The following USP26 variants were observed in gnomAD, a reference collection of about 807,000 sequenced individuals.
USP26 encodes the protein ubiquitin specific peptidase 26.
For missense variants in USP26, 649 were observed against 642.3 expected (o/e 1.01, Z -0.11); for synonymous variants, 236 against 240.6 (o/e 0.98, Z 0.18).
In USP26 at chrX:133,025,520, G is replaced by T. The variant is rs896961857; in HGVS notation, c.2701C>A (p.Leu901Ile). The T allele has an allele frequency of 5.0e-6, 6 of 1,209,088 alleles. No homozygotes were observed. The highest frequency in any genetic ancestry group is 6.7e-6 in the Non-Finnish European group (6 of 894,837). The change falls in exon 6 of 6, where the codon CTT (leucine) becomes ATT (isoleucine). Residue 901 changes from leucine (L) to isoleucine (I), a missense_variant. By Grantham distance (5) the Leu-to-Ile change is conservative (BLOSUM62 2). Transcript: ENST00000511190. ...EMLKREENAQ[L>I]NSKEVEETLQ... Reference sequence around the variant, plus strand: ...GTCTCCTCTACCTCCTTGCTATTAAGCTGGGCATTCTCTTCTCTTTTCAAC... The same window carrying T: ...GTCTCCTCTACCTCCTTGCTATTAATCTGGGCATTCTCTTCTCTTTTCAAC...
chrX:133,066,046 T>A (rs1322162852), intron 5 of USP26, among the ~76,000 whole-genome samples: 1 of 111,657 alleles, frequency 9.0e-6, no homozygotes, highest in Non-Finnish European at 1.9e-5. Context: ...ACGAAATGAA[T>A]GTGCAAAAAT....
intron 5 of USP26, among the ~76,000 whole-genome samples, chrX:133,029,214 T>C (rs1038716967): frequency 1.8e-5 from 2 of 112,665 alleles, no homozygotes; most frequent in Non-Finnish European, 3.8e-5. Context: ...TGTTTCCTCC[T>C]CAGTAGTTAA....
At chrX:133,063,908 T>C (rs373798139) in intron 5 of USP26, among the ~76,000 whole-genome samples, 47 of 111,512 alleles carry the variant, frequency 4.2e-4, no homozygotes, top group African/African-American at 1.4e-3. Context: ...ATGGACAAAA[T>C]GCCCCAATTA....
intron 5 of USP26, among the ~76,000 whole-genome samples, chrX:133,046,605 G>C (rs1341335238): frequency 9.0e-6 from 1 of 110,537 alleles, no homozygotes; most frequent in Non-Finnish European, 1.9e-5. Context: ...CTTCCTCTTT[G>C]CTGCCATTTA....
intron 5 of USP26, among the ~76,000 whole-genome samples, chrX:133,041,403 G>A (rs1432824836): frequency 9.0e-6 from 1 of 111,683 alleles, no homozygotes; most frequent in African/African-American, 3.3e-5. Flanking sequence ...TATTGATGTT[G>A]ATGTTGTTGC....
At chrX:133,039,119 G>A (rs755597263) in intron 5 of USP26, among the ~76,000 whole-genome samples, 1 of 110,650 alleles carries the variant, frequency 9.0e-6, no homozygotes, top group Admixed American at 9.6e-5. Flanking sequence ...ACCAGCTCCT[G>A]GACTCATTGA....
chrX:133,069,310 A>G (rs938728867), intron 5 of USP26, among the ~76,000 whole-genome samples: 2 of 112,055 alleles, frequency 1.8e-5, no homozygotes, highest in Admixed American at 9.5e-5. Flanking sequence ...AGGAAAACGA[A>G]TATCTTTTAT....
At chrX:133,086,650 G>A (rs187648880) in intron 4 of USP26, among the ~76,000 whole-genome samples, 21 of 110,756 alleles carry the variant, frequency 1.9e-4, no homozygotes, top group South Asian at 3.9e-4. Flanking sequence ...AGTGGCTCAC[G>A]CCTGTAATCC....
At chrX:133,054,736 T>C (rs773984378) in intron 5 of USP26, among the ~76,000 whole-genome samples, 5 of 111,818 alleles carry the variant, frequency 4.5e-5, no homozygotes, top group Admixed American at 2.9e-4. Context: ...TTTGGTGTAA[T>C]AATGCCTAAC....
At chrX:133,071,943 C>T (rs1318272905) in intron 5 of USP26, among the ~76,000 whole-genome samples, 4 of 111,515 alleles carry the variant, frequency 3.6e-5, no homozygotes, top group Admixed American at 1.9e-4. Flanking sequence ...GGTCACCTGG[C>T]TGCTTAGTAA....
intron 5 of USP26, among the ~76,000 whole-genome samples, chrX:133,041,263 G>A (rs1034339175): frequency 1.8e-5 from 2 of 111,099 alleles, no homozygotes; most frequent in Admixed American, 9.6e-5. Context: ...ATTTGGAGGA[G>A]ATGAGGCATT....
At chrX:133,085,175 C>T (rs982349483) in intron 4 of USP26, among the ~76,000 whole-genome samples, 1 of 111,526 alleles carries the variant, frequency 9.0e-6, no homozygotes, top group Non-Finnish European at 1.9e-5. Flanking sequence ...CCTCAGGTGA[C>T]CCACCTACCT....
intron 5 of USP26, among the ~76,000 whole-genome samples, chrX:133,059,045 C>T (rs1199933537): frequency 9.0e-6 from 1 of 110,799 alleles, no homozygotes; most frequent in African/African-American, 3.3e-5. Flanking sequence ...AACTCCTGAC[C>T]TCAAGTGATC....
Position 133,026,691 on chromosome X carries a change from G to C in USP26, c.1530C>G (p.Phe510Leu). Residue 510 changes from phenylalanine to leucine, a missense_variant, in exon 6 of 6, where the codon TTC becomes TTG. By Grantham distance (22) the Phe-to-Leu change is conservative (BLOSUM62 0). Coordinates refer to ENST00000511190, the MANE Select transcript of USP26 (RefSeq NM_031907.3). Reference sequence around the variant, plus strand: ...CAATAAGGATTCTAGGTAGCCTACTGAATGAGTGCACTCCAACGGAAGTCT... The same window carrying C: ...CAATAAGGATTCTAGGTAGCCTACTCAATGAGTGCACTCCAACGGAAGTCT... ...EHKTSVGVHS[F>L]SRLPRILIVH... is the part of the protein sequence containing the mutation. 1 of 1,210,550 alleles carries C rather than the reference G, an allele frequency of 8.3e-7. No homozygotes were observed. Among genetic ancestry groups the C allele is most frequent in the Non-Finnish European group, 1.1e-6 (1 of 895,026 alleles).
chrX:133,086,624 T>A (rs2067589884), intron 4 of USP26, among the ~76,000 whole-genome samples: 1 of 109,705 alleles, frequency 9.1e-6, no homozygotes, highest in Non-Finnish European at 1.9e-5. Flanking sequence ...AAAGTAATAA[T>A]AATAAGGCCG....
chrX:133,055,334 G>C (rs1394778371), intron 5 of USP26, among the ~76,000 whole-genome samples: 1 of 111,522 alleles, frequency 9.0e-6, no homozygotes, highest in Non-Finnish European at 1.9e-5. Flanking sequence ...CCTTGCAGTG[G>C]AAATCATTAC....
At chrX:133,035,459 A>T (rs890999605) in intron 5 of USP26, among the ~76,000 whole-genome samples, 1 of 111,947 alleles carries the variant, frequency 8.9e-6, no homozygotes, top group African/African-American at 3.3e-5. Context: ...GAATTTGGTA[A>T]TGCCTCCCAT....
chrX:133,096,733 A>G (rs958939583), intron 1 of USP26, among the ~76,000 whole-genome samples: 3 of 110,971 alleles, frequency 2.7e-5, no homozygotes. Context: ...TGTCTCTACT[A>G]AAAATACAAA....
rs1011132485 is a variant in USP26, at chrX:133,026,173, G to A, written c.2048C>T (p.Pro683Leu). 34 of 1,208,156 alleles carry A rather than the reference G, an allele frequency of 2.8e-5. No individual in the cohort carries two copies. Among genetic ancestry groups the A allele is most frequent in the Non-Finnish European group, 3.7e-5 (33 of 894,973 alleles). ...GGKPASSPGT[P>L]LSKVDFQTVP... ...TGTTTGAAAGTCAACTTTTGAGAGA[G>A]GTGTGCCTGGGCTGCTGGCAGGTTT... The change falls in exon 6 of 6, where the codon CCT becomes CTT. Residue 683 changes from proline (P) to leucine (L), a missense_variant. Physicochemically the swap from Pro to Leu is moderately conservative, Grantham distance 98. Coordinates refer to ENST00000511190, the MANE Select transcript of USP26 (RefSeq NM_031907.3).
Sources: allele counts gnomAD v4.1 joint callset (sites outside exome capture counted in the v4.1 genomes callset), GRCh38; gene constraint gnomAD v4.1.1; transcripts MANE v1.5; gene names NCBI Gene and HGNC (gene_info 2026-07-23, HGNC 2026-07-21).